The following DKC1 variants were observed in gnomAD, a reference collection of about 807,000 sequenced individuals.
The protein encoded by DKC1 is dyskerin pseudouridine synthase 1.
DKC1 carries 4 observed loss-of-function variants against 46.7 expected under a neutral mutation model. The ratio of observed to expected loss-of-function variants is 0.09; its 90% confidence interval spans 0.04 to 0.20. The LOEUF (loss-of-function observed/expected upper bound fraction) is 0.20, where lower values mean the gene tolerates loss of function less well. DKC1 is among the 10% of genes least tolerant of loss of function. The probability of loss-of-function intolerance (pLI) is 1.00; values close to 1 mark genes in which losing one functional copy is unlikely to be tolerated. For synonymous variants in DKC1, 141 were observed against 142.4 expected (o/e 0.99, Z 0.07); for missense variants, 171 against 404.2 (o/e 0.42, Z 4.95).
intron 9 of DKC1, among the ~76,000 whole-genome samples, chrX:154,770,169 G>A (rs2071802854): frequency 9.0e-6 from 1 of 111,358 alleles, no homozygotes; most frequent in Non-Finnish European, 1.9e-5. Flanking sequence ...CTATTTTTAT[G>A]TTTCAAATGA....
At chrX:154,774,383 G>C (rs1287023511) in intron 11 of DKC1, among the ~76,000 whole-genome samples, 1 of 111,556 alleles carries the variant, frequency 9.0e-6, no homozygotes, top group Non-Finnish European at 1.9e-5. Flanking sequence ...GCTGCGGTGG[G>C]GACGTTATGT....
chrX:154,767,093 T>C (rs782769226), intron 6 of DKC1, 32 bp downstream of exon 6: 41 of 1,192,065 alleles, frequency 3.4e-5, no homozygotes, highest in Non-Finnish European at 4.7e-5. Flanking sequence ...GGACACCCTT[T>C]GTTGACTTGG....
At chrX:154,763,698 T>C (rs1407224491) in intron 1 of DKC1, among the ~76,000 whole-genome samples, 1 of 111,996 alleles carries the variant, frequency 8.9e-6, no homozygotes, top group Non-Finnish European at 1.9e-5. Flanking sequence ...ATCAGAGGGC[T>C]CTTACACAAA....
intron 7 of DKC1, among the ~76,000 whole-genome samples, chrX:154,767,843 CTTT>C (rs35184460): frequency 3.1e-5 from 2 of 65,174 alleles, no homozygotes; most frequent in Non-Finnish European, 5.3e-5. Flanking sequence ...AATTACAGAT[CTTT>C]TTTTTTTTTT....
intron 1 of DKC1, among the ~76,000 whole-genome samples, chrX:154,763,920 C>T (rs1175134910): frequency 9.9e-5 from 11 of 111,394 alleles, no homozygotes; most frequent in Non-Finnish European, 5.7e-5. Flanking sequence ...CCTGTGATCC[C>T]AGCCCAGGCT....
chrX:154,775,710 C>A (rs901324402), intron 13 of DKC1, among the ~76,000 whole-genome samples: 1 of 112,030 alleles, frequency 8.9e-6, no homozygotes, highest in Non-Finnish European at 1.9e-5. Flanking sequence ...CTGGCACCAC[C>A]CAGTGTTGAA....
At chrX:154,766,073 C>T in intron 4 of DKC1, 75 bp downstream of exon 4, 2 of 990,646 alleles carry the variant, frequency 2.0e-6, no homozygotes, top group Non-Finnish European at 2.9e-6. Flanking sequence ...TTCAGGAAGG[C>T]AGTGGCATGC....
At chrX:154,768,007 T>G (rs2071771109) in intron 7 of DKC1, 1 of 282,774 alleles carries the variant, frequency 3.5e-6, no homozygotes, top group Non-Finnish European at 6.4e-6. Flanking sequence ...CCCGCCATCA[T>G]GCCCGGCTAA....
chrX:154,766,666 T>C, intron 5 of DKC1: 1 of 434,853 alleles, frequency 2.3e-6, no homozygotes. Context: ...ACTCCAGGCT[T>C]CTCACTCTGT....
At chrX:154,771,485 A>ATT (rs58087354) in intron 10 of DKC1, among the ~76,000 whole-genome samples, 1 of 95,883 alleles carries the variant, frequency 1.0e-5, no homozygotes. Flanking sequence ...GCCGGGCCTG[A>ATT]TTTTTTTTTT....
At chrX:154,770,733 C>T in intron 9 of DKC1, 26 bp from the exon 10 acceptor site, 10 of 1,210,494 alleles carry the variant, frequency 8.3e-6, no homozygotes, top group Non-Finnish European at 1.0e-5. Context: ...CAGCTGGGCC[C>T]CTTACACTTG....
intron 10 of DKC1, among the ~76,000 whole-genome samples, chrX:154,771,609 A>T (rs2071827904): frequency 9.2e-6 from 1 of 108,611 alleles, no homozygotes; most frequent in African/African-American, 3.4e-5. Context: ...TTCGATTCTT[A>T]GCTCCCACAA....
chrX:154,763,668 G>C (rs1017234760), intron 1 of DKC1, among the ~76,000 whole-genome samples: 4 of 111,755 alleles, frequency 3.6e-5, no homozygotes, highest in Non-Finnish European at 7.5e-5. Flanking sequence ...GTCGTTAGGC[G>C]ATTTCATCAT....
At chrX:154,770,532 T>G (rs2071810205) in intron 9 of DKC1, among the ~76,000 whole-genome samples, 1 of 109,515 alleles carries the variant, frequency 9.1e-6, no homozygotes, top group Non-Finnish European at 1.9e-5. Flanking sequence ...CCTGAAAGTC[T>G]TCTTTACTAC....
chrX:154,776,182 C>T lies in DKC1; in HGVS notation c.1339-5C>T, dbSNP rs781901933. 7.0e-5 allele frequency: 85 copies of T among 1,210,580 alleles called. No individual in the cohort carries two copies. The highest frequency in any genetic ancestry group is 9.4e-5 in the Non-Finnish European group (84 of 895,227). ...CTAACACTTAACCAATTGCTTTCAT[C>T]TCAGCGGAAGCGAGAGAGTGAGAGT... On this transcript the variant is annotated splice_polypyrimidine_tract_variant and splice_region_variant and intron_variant, in intron 13 of 14. Coordinates refer to ENST00000369550, the MANE Select transcript of DKC1 (RefSeq NM_001363.5).
chrX:154,763,072 C>A, intron 1 of DKC1, 91 bp downstream of exon 1: 2 of 1,039,757 alleles, frequency 1.9e-6, no homozygotes, highest in Non-Finnish European at 2.6e-6. Context: ...GCACGCCTCC[C>A]TCTGGTTCCC....
intron 2 of DKC1, 128 bp from the exon 3 acceptor site, chrX:154,765,316 G>T (rs1156470728): frequency 1.6e-4 from 94 of 598,526 alleles, no homozygotes; most frequent in Non-Finnish European, 1.0e-4. Flanking sequence ...TCTTTCCCTT[G>T]GAGGTCCCAG....
At chrX:154,771,107 A>G (rs1249773285) in intron 10 of DKC1, among the ~76,000 whole-genome samples, 1 of 106,171 alleles carries the variant, frequency 9.4e-6, no homozygotes, top group Non-Finnish European at 1.9e-5. Flanking sequence ...CACTTAAGTT[A>G]TTATTGATTA....
intron 2 of DKC1, 44 bp from the exon 3 acceptor site, chrX:154,765,400 A>C (rs2071732380): frequency 9.5e-7 from 1 of 1,052,108 alleles, no homozygotes; most frequent in Non-Finnish European, 1.3e-6. Flanking sequence ...ATTGTTCAAA[A>C]TCGGGTGGGA....
Sources: gnomAD v4.1 joint callset for allele counts (sites outside exome capture counted in the v4.1 genomes callset) on GRCh38, gnomAD v4.1.1 for gene constraint, MANE v1.5 for transcripts, NCBI Gene and HGNC (gene_info 2026-07-23, HGNC 2026-07-21) for gene names.